The following HRNR variants were observed in gnomAD, a reference collection of about 807,000 sequenced individuals.
The protein encoded by HRNR is hornerin.
HRNR carries 7 observed loss-of-function variants against 4.8 expected under a neutral mutation model. The ratio of observed to expected loss-of-function variants is 1.47; its 90% CI spans 0.83 to 2.75. The LOEUF is 2.75. HRNR is among the 30% of genes most tolerant of loss of function. The pLI is 0.00. For synonymous variants in HRNR, 1,023 were observed against 1,242.7 expected (o/e 0.82, Z 3.72); for missense variants, 2,879 against 3,010.4 (o/e 0.96, Z 1.02).
Position 152,212,815 on chromosome 1 carries a change from T to G in HRNR, c.*261A>C, listed in dbSNP as rs1648436495. The G allele has an allele frequency of 3.8e-6, 2 of 530,052 alleles. No individual in the cohort carries two copies. Among genetic ancestry groups the G allele is most frequent in the African/African-American group, 1.9e-5 (1 of 52,310 alleles). 32.8% of individuals were successfully genotyped at this position (530,052 alleles called of 1,614,324 possible). On this transcript the variant is annotated 3_prime_UTR_variant, in exon 3 of 3. Coordinates refer to ENST00000368801, the MANE Select transcript of HRNR (RefSeq NM_001009931.3). Reference sequence around the variant, plus strand: ...CTCTTTAAAAGCTTTTCATTATTCCTCAAAGTTTAACCCTCATTCTAACAA... The same window carrying G: ...CTCTTTAAAAGCTTTTCATTATTCCGCAAAGTTTAACCCTCATTCTAACAA...
rs1041245266 is a variant in HRNR at position 152,212,243 on chromosome 1, T to C, written c.*833A>G. 2 of 152,206 alleles carry C rather than the reference T, an allele frequency of 1.3e-5. No homozygotes were observed. The highest frequency in any genetic ancestry group is 4.8e-5 in the African/African-American group (2 of 41,456). The allele number at this position is 152,206 out of a possible 1,614,324, so 9.4% of individuals were successfully genotyped here. On this transcript the variant is annotated 3_prime_UTR_variant, in exon 3 of 3. Coordinates refer to ENST00000368801, the MANE Select transcript of HRNR (RefSeq NM_001009931.3). The stretch of plus-strand genomic sequence containing the variant: ...GATATTTTTTCAGGTGGAAACGTTA[T>C]TGAACTACAGTAGTAGGTGGAAAGC...
intron 2 of HRNR, 75 bp downstream of exon 2, chr1:152,223,041 C>A (rs1215064549): frequency 4.9e-6 from 7 of 1,428,764 alleles, no homozygotes; most frequent in Admixed American, 1.8e-5. Context: ...GGATGTTTGA[C>A]ATATGTGACA....
chr1:152,213,240 C>A lies in HRNR; in HGVS notation c.8389G>T (p.Gly2797Cys), dbSNP rs760612491. 2.5e-6 allele frequency: 4 copies of A among 1,612,888 alleles called. No individual in the cohort carries two copies. The highest frequency in any genetic ancestry group is 3.4e-6 in the Non-Finnish European group (4 of 1,179,416). ...GAGCCACTTCCATGCTGACTATAACCAGAGGACTGTCCTGAGCCAGACCCA... is the reference window on the plus strand; with the variant it reads ...GAGCCACTTCCATGCTGACTATAACAAGAGGACTGTCCTGAGCCAGACCCA... ...QHGSGSGQSSGYSQHGSGSGQ... is the reference protein window; with the variant it reads ...QHGSGSGQSSCYSQHGSGSGQ... The change falls in exon 3 of 3, where the codon GGT (glycine) becomes TGT (cysteine). Residue 2797 changes from glycine to cysteine, a missense_variant. Gly to Cys is a radical substitution (Grantham distance 159). Transcript: ENST00000368801.
chr1:152,219,116 A>G lies in HRNR; in HGVS notation c.2513T>C (p.Phe838Ser), dbSNP rs1195499694. Reference sequence around the variant, plus strand: ...AGATCCATGTCGTCCCTGGCTAGAGAAGTGACCTGAGGCAGAACCATGCTG... The same window carrying G: ...AGATCCATGTCGTCCCTGGCTAGAGGAGTGACCTGAGGCAGAACCATGCTG... Reference protein sequence around the residue: ...YSQHGSASGHFSSQGRHGSTS... With the variant: ...YSQHGSASGHSSSQGRHGSTS... The change falls in exon 3 of 3, where the codon TTC becomes TCC. Residue 838 changes from phenylalanine to serine, a missense_variant. Coordinates refer to ENST00000368801, the MANE Select transcript of HRNR (RefSeq NM_001009931.3). The G allele has an allele frequency of 1.2e-6, 2 of 1,611,870 alleles. No homozygotes were observed. The highest frequency in any genetic ancestry group is 2.2e-5 in the South Asian group (2 of 90,970).
chr1:152,223,159 T>A lies in HRNR; in HGVS notation c.95A>T (p.Glu32Val). 6.2e-7 allele frequency: 1 copy of A among 1,614,002 alleles called. No individual in the cohort carries two copies. The stretch of plus-strand genomic sequence containing the variant: ...CTCATTTTCCAGAAGTTCTTTCAGC[T>A]CTGCCTTGTTCAACGTATCATACTC... ...HGEYDTLNKA[E>V]LKELLENEFH... The change falls in exon 2 of 3, where the codon GAG becomes GTG. Residue 32 changes from glutamate to valine, a missense_variant. By Grantham distance (121) the Glu-to-Val change is moderately radical. Transcript: ENST00000368801.
chr1:152,215,799 C>G lies in HRNR; in HGVS notation c.5830G>C (p.Gly1944Arg), dbSNP rs142774954. ...CCACGGCTAGGGCTAGGAGACTGGC[C>G]AGATCCAGACCCATGTTGGCCGTGG... ...LGHGQHGSGS[G>R]QSPSPSRGRH... Residue 1944 changes from glycine to arginine, a missense_variant, in exon 3 of 3, where the codon GGC becomes CGC. Gly to Arg is a moderately radical substitution (Grantham distance 125). This residue lies in a region of HRNR where 5 missense variants were observed against 621.9 expected (regional missense o/e 0.01). Transcript: ENST00000368801. The G allele has an allele frequency of 7.9e-4, 1,265 of 1,608,082 alleles. 21 individuals are homozygous for G. The African/African-American group carries it at 0.016, about 20-fold the overall frequency.
chr1:152,220,303 A>G lies in HRNR; in HGVS notation c.1326T>C (p.His442=). The G allele has an allele frequency of 6.2e-7, 1 of 1,613,796 alleles. No homozygotes were observed. Among genetic ancestry groups the G allele is most frequent in the South Asian group, 1.1e-5 (1 of 91,072 alleles). The change falls in exon 3 of 3, where the codon CAT becomes CAC. Residue 442 remains histidine (H), a synonymous_variant. Transcript: ENST00000368801. The stretch of plus-strand genomic sequence containing the variant: ...TGGAAGATCGACCAAAGCCAGTCCC[A>G]TGTTGGCCGGAGCTGGGAGACTGCC... The part of the protein sequence containing the change: ...GSGQSPSSGQ[H]GTGFGRSSSS...
At position 152,221,640 on chromosome 1, in the gene HRNR, T is replaced by G. The variant is rs1420510561; in HGVS notation, c.139-150A>C. The G allele has an allele frequency of 5.0e-6, 3 of 602,122 alleles. No homozygotes were observed. In the African/African-American group the frequency reaches 5.6e-5, roughly 11 times the overall value. The allele number at this position is 602,122 out of a possible 1,614,324, so 37.3% of individuals were successfully genotyped here. On this transcript the variant is annotated intron_variant, in intron 2 of 2. Transcript: ENST00000368801. ...TCCTTTAGGCTGCATTTCTGTATCCTGAGCAGAAAGAGAAAAAGGAATATG... is the reference window on the plus strand; with the variant it reads ...TCCTTTAGGCTGCATTTCTGTATCCGGAGCAGAAAGAGAAAAAGGAATATG...
Position 152,218,341 on chromosome 1 carries a change from T to A in HRNR, c.3288A>T (p.Ser1096=). Residue 1096 remains serine (S), a synonymous_variant, in exon 3 of 3, where the codon TCA becomes TCT. Coordinates refer to ENST00000368801, the MANE Select transcript of HRNR (RefSeq NM_001009931.3). ...SSSCGQHGAS[S]GQSSSHGQHG... ...GCTGACCGTGGCTGGAAGACTGACC[T>A]GAGCTAGCTCCATGTTGGCCACAGC... The A allele has an allele frequency of 6.2e-7, 1 of 1,610,708 alleles. No individual in the cohort carries two copies. The highest frequency in any genetic ancestry group is 8.5e-7 in the Non-Finnish European group (1 of 1,179,574).
chr1:152,218,957 G>A lies in HRNR; in HGVS notation c.2672C>T (p.Pro891Leu), dbSNP rs112974969. The change falls in exon 3 of 3, where the codon CCA (proline) becomes CTA (leucine). Residue 891 changes from proline (P) to leucine (L), a missense_variant. Around this residue, in one of 8 missense-constraint regions of HRNR, gnomAD observed 2,646 missense variants for 1,377.7 expected, o/e 1.92. Coordinates refer to ENST00000368801, the MANE Select transcript of HRNR (RefSeq NM_001009931.3). Reference protein sequence around the residue: ...GRHGSGSGQSPGHGQRGSGSG... With the variant: ...GRHGSGSGQSLGHGQRGSGSG... Reference sequence around the variant, plus strand: ...CCCAGACCCACGCTGGCCGTGGCCTGGAGACTGGCCAGATCCAGAGCCATG... The same window carrying A: ...CCCAGACCCACGCTGGCCGTGGCCTAGAGACTGGCCAGATCCAGAGCCATG... 6.2e-7 allele frequency: 1 copy of A among 1,613,958 alleles called. No homozygotes were observed.
Position 152,218,903 on chromosome 1 carries a change from T to G in HRNR, c.2726A>C (p.His909Pro). 6.2e-7 allele frequency: 1 copy of G among 1,613,474 alleles called. No homozygotes were observed. Among genetic ancestry groups the G allele is most frequent in the South Asian group, 1.1e-5 (1 of 91,036 alleles). ...GSGQSPSYGR[H>P]GSGSGRSSSS... is the part of the protein sequence containing the mutation. ...GGAAGACCGACCGGAGCCAGACCCATGTCGGCCATAGCTGGGAGACTGCCC... is the reference window on the plus strand; with the variant it reads ...GGAAGACCGACCGGAGCCAGACCCAGGTCGGCCATAGCTGGGAGACTGCCC... Residue 909 changes from histidine to proline, a missense_variant, in exon 3 of 3, where the codon CAT (histidine) becomes CCT (proline). Coordinates refer to ENST00000368801, the MANE Select transcript of HRNR (RefSeq NM_001009931.3).
At position 152,219,477 on chromosome 1, in the gene HRNR, A is replaced by T. The variant is rs775901406; in HGVS notation, c.2152T>A (p.Ser718Thr). Residue 718 changes from serine (S) to threonine (T), a missense_variant, in exon 3 of 3, where the codon TCT (serine) becomes ACT (threonine). By Grantham distance (58) the Ser-to-Thr change is moderately conservative. Transcript: ENST00000368801. ...GQSSGYSQHGSGSSHSSGYRK... is the reference protein window; with the variant it reads ...GQSSGYSQHGTGSSHSSGYRK... ...TAGCCGGAGGAGTGACTTGAGCCAG[A>T]TCCATGCTGACTGTAACCAGAGGAC... The T allele has an allele frequency of 1.9e-5, 31 of 1,613,780 alleles. No individual in the cohort carries two copies. The South Asian group carries it at 3.2e-4, about 17-fold the overall frequency.
chr1:152,219,803 G>C lies in HRNR; in HGVS notation c.1826C>G (p.Thr609Ser). 6.2e-7 allele frequency: 1 copy of C among 1,612,132 alleles called. No individual in the cohort carries two copies. The highest frequency in any genetic ancestry group is 8.5e-7 in the Non-Finnish European group (1 of 1,178,738). Residue 609 changes from threonine to serine, a missense_variant, in exon 3 of 3, where the codon ACC (threonine) becomes AGC (serine). Physicochemically the swap from Thr to Ser is moderately conservative, Grantham distance 58. Transcript: ENST00000368801. ...QHGSSSGHSS[T>S]HGQHGSTSGQ... Reference sequence around the variant, plus strand: ...TGATGTAGAACCATGTTGCCCATGGGTAGAGGAATGACCCGAGCTAGATCC... The same window carrying C: ...TGATGTAGAACCATGTTGCCCATGGCTAGAGGAATGACCCGAGCTAGATCC...
In HRNR at chr1:152,213,100, C is replaced by A. The variant is rs377441785; in HGVS notation, c.8529G>T (p.Glu2843Asp). Residue 2843 changes from glutamate (E) to aspartate (D), a missense_variant, in exon 3 of 3, where the codon GAG becomes GAT. By Grantham distance (45) the Glu-to-Asp change is conservative. Transcript: ENST00000368801. ...TTCACTGATAAAAGTAGCACCTCTG[C>A]TCTTGGACATATTCATAGGGTGAAG... ...SSTSPYEYVQ[E>D]QRCYFYQ The A allele has an allele frequency of 7.4e-6, 12 of 1,613,682 alleles. No homozygotes were observed. Among genetic ancestry groups the A allele is most frequent in the Non-Finnish European group, 1.0e-5 (12 of 1,179,908 alleles).
At position 152,213,382 on chromosome 1, in the gene HRNR, A is replaced by G; in HGVS notation, c.8247T>C (p.Arg2749=). 3 of 581,758 alleles carry G rather than the reference A, an allele frequency of 5.2e-6. 1 individual carries two copies. The highest frequency in any genetic ancestry group is 8.8e-6 in the Non-Finnish European group (3 of 339,552). 36.0% of individuals were successfully genotyped at this position (581,758 alleles called of 1,614,324 possible). A position where few individuals can be genotyped will look rare whatever the true frequency, so the allele number is the denominator to read the frequency against. ...STGQSSSYGH[R]GSGSSQSSGY... ...CAGAAGACTGACTGGAGCCAGAGCCACGGTGGCCATAGCTGGAAGACTGGC... is the reference window on the plus strand; with the variant it reads ...CAGAAGACTGACTGGAGCCAGAGCCGCGGTGGCCATAGCTGGAAGACTGGC... The change falls in exon 3 of 3, where the codon CGT becomes CGC. Residue 2749 remains arginine, a synonymous_variant. Coordinates refer to ENST00000368801, the MANE Select transcript of HRNR (RefSeq NM_001009931.3).
chr1:152,220,668 T>C lies in HRNR; in HGVS notation c.961A>G (p.Ser321Gly), dbSNP rs773909895. Reference protein sequence around the residue: ...RHGSGSGHSSSHGQHGSGSSY... With the variant: ...RHGSGSGHSSGHGQHGSGSSY... ...GAGCCAGACCCGTGTTGGCCGTGGC[T>C]GGAGGAGTGCCCCGAACCGGACCCA... Residue 321 changes from serine to glycine, a missense_variant, in exon 3 of 3, where the codon AGC becomes GGC. By Grantham distance (56) the Ser-to-Gly change is moderately conservative (BLOSUM62 0). Transcript: ENST00000368801. 6.2e-7 allele frequency: 1 copy of C among 1,612,018 alleles called. No individual in the cohort carries two copies. The highest frequency in any genetic ancestry group is 8.5e-7 in the Non-Finnish European group (1 of 1,178,626).
rs1283511898 is a variant in HRNR at position 152,219,812 on chromosome 1, T to C, written c.1817A>G (p.His606Arg). The C allele has an allele frequency of 6.2e-7, 1 of 1,612,028 alleles. No individual in the cohort carries two copies. The highest frequency in any genetic ancestry group is 8.5e-7 in the Non-Finnish European group (1 of 1,178,720). The change falls in exon 3 of 3, where the codon CAT becomes CGT. Residue 606 changes from histidine to arginine, a missense_variant. His to Arg is a conservative substitution (Grantham distance 29). Around this residue, in one of 8 missense-constraint regions of HRNR, gnomAD observed 2,646 missense variants for 1,377.7 expected, o/e 1.92. Coordinates refer to ENST00000368801, the MANE Select transcript of HRNR (RefSeq NM_001009931.3). ...ACCATGTTGCCCATGGGTAGAGGAA[T>C]GACCCGAGCTAGATCCGTGTTGACC... Reference protein sequence around the residue: ...GYGQHGSSSGHSSTHGQHGST... With the variant: ...GYGQHGSSSGRSSTHGQHGST...
In HRNR at chr1:152,212,826, C is replaced by A. The variant is rs1570829948; in HGVS notation, c.*250G>T. On this transcript the variant is annotated 3_prime_UTR_variant, in exon 3 of 3. Coordinates refer to ENST00000368801, the MANE Select transcript of HRNR (RefSeq NM_001009931.3). ...CTTTTCATTATTCCTCAAAGTTTAA[C>A]CCTCATTCTAACAAGTTATTCCACT... 5 of 558,734 alleles carry A rather than the reference C, an allele frequency of 8.9e-6. No individual in the cohort carries two copies. In the East Asian group the frequency reaches 1.3e-4, roughly 14 times the overall value. 34.6% of individuals were successfully genotyped at this position (558,734 alleles called of 1,614,324 possible).
chr1:152,221,293 T>C lies in HRNR; in HGVS notation c.336A>G (p.Gln112=). 1 of 1,614,030 alleles carries C rather than the reference T, an allele frequency of 6.2e-7. No individual in the cohort carries two copies. Residue 112 remains glutamine, a synonymous_variant, in exon 3 of 3, where the codon CAA becomes CAG. Coordinates refer to ENST00000368801, the MANE Select transcript of HRNR (RefSeq NM_001009931.3). ...TGTTCTCCTCTTTTTCAGTTTCTTC[T>C]TGTTCCTCTTGGTGCTGGTGAGTGT... ...RDDTHQHQEE[Q]EETEKEENKR...
Sources: allele counts gnomAD v4.1 joint callset, GRCh38; gene constraint gnomAD v4.1.1; regional missense constraint gnomAD v4.1.1; transcripts MANE v1.5; gene names NCBI Gene and HGNC (gene_info 2026-07-23, HGNC 2026-07-21).